PDE7A: variants seen among roughly 807,000 people sequenced by gnomAD.
PDE7A encodes phosphodiesterase 7A, also known as high affinity 3',5'-cyclic-AMP phosphodiesterase 7A.
In PDE7A, 39 loss-of-function variants were observed where a neutral mutation model predicts 64.3. The ratio of observed to expected loss-of-function variants is 0.61; its 90% CI spans 0.47 to 0.79. PDE7A has a LOEUF of 0.79. Among genes scored for constraint, PDE7A ranks in the 30% least tolerant of loss-of-function variants. PDE7A has a pLI of 0.00. For synonymous variants in PDE7A, 203 were observed against 206.8 expected (o/e 0.98, Z 0.16); for missense variants, 470 against 582.8 (o/e 0.81, Z 1.99).
chr8:65,799,876 G>GT, intron 1 of PDE7A, among the ~76,000 whole-genome samples: 1 of 152,194 alleles, frequency 6.6e-6, no homozygotes, highest in Non-Finnish European at 1.5e-5. Context: ...CTCACAATTG[G>GT]TAACTATTCA....
intron 1 of PDE7A, among the ~76,000 whole-genome samples, chr8:65,804,867 T>C (rs891778805): frequency 3.3e-5 from 5 of 151,908 alleles, no homozygotes; most frequent in Admixed American, 2.0e-4. Context: ...AGATGGGATC[T>C]TGCTCTGTCA....
intron 1 of PDE7A, among the ~76,000 whole-genome samples, chr8:65,811,203 C>CA (rs1810253485): frequency 6.6e-6 from 1 of 152,110 alleles, no homozygotes; most frequent in Admixed American, 6.6e-5. Flanking sequence ...AAACTGATGA[C>CA]AAACTCAAGG....
At chr8:65,830,801 T>C (rs1437179390) in intron 1 of PDE7A, among the ~76,000 whole-genome samples, 1 of 152,100 alleles carries the variant, frequency 6.6e-6, no homozygotes, top group Admixed American at 6.6e-5. Context: ...AAAGCACTTT[T>C]TATTCCCATC....
rs1033533335 is a variant in PDE7A, at chr8:65,717,710, A to G, written c.*1580T>C. ...TGAAAAGATAGGTTTTTATTCATCAAAAGTTAACAGCAACAGGCACATATT... is the reference window on the plus strand; with the variant it reads ...TGAAAAGATAGGTTTTTATTCATCAGAAGTTAACAGCAACAGGCACATATT... On this transcript the variant is annotated 3_prime_UTR_variant, in exon 13 of 13. Transcript: ENST00000401827. The G allele has an allele frequency of 2.6e-5, 4 of 152,248 alleles. No individual in the cohort carries two copies. Among genetic ancestry groups the G allele is most frequent in the African/African-American group, 7.2e-5 (3 of 41,466 alleles). 9.4% of individuals were successfully genotyped at this position (152,248 alleles called of 1,614,324 possible).
chr8:65,730,329 C>A (rs990325186), intron 7 of PDE7A, among the ~76,000 whole-genome samples: 1 of 151,084 alleles, frequency 6.6e-6, no homozygotes, highest in Non-Finnish European at 1.5e-5. Context: ...TACAGGCATG[C>A]GCCACCACAA....
At chr8:65,744,242 A>G (rs954391311) in intron 5 of PDE7A, among the ~76,000 whole-genome samples, 2 of 152,210 alleles carry the variant, frequency 1.3e-5, no homozygotes, top group African/African-American at 4.8e-5. Flanking sequence ...AAACAACAAA[A>G]AAAAACAGGC....
chr8:65,755,031 T>C (rs1043327101), intron 3 of PDE7A, among the ~76,000 whole-genome samples: 4 of 151,118 alleles, frequency 2.6e-5, no homozygotes, highest in Non-Finnish European at 5.9e-5. Context: ...CTTATTTTTT[T>C]TTTTTTTGAG....
intron 9 of PDE7A, 152 bp from the exon 10 acceptor site, chr8:65,725,073 T>A: frequency 2.2e-6 from 1 of 460,000 alleles, no homozygotes; most frequent in South Asian, 7.0e-5. Context: ...AAAAATGAGT[T>A]TTATAGAATG....
chr8:65,736,229 T>C (rs1200899401), intron 6 of PDE7A, among the ~76,000 whole-genome samples: 2 of 152,192 alleles, frequency 1.3e-5, no homozygotes, highest in East Asian at 3.8e-4. Flanking sequence ...GATACCAACA[T>C]GGCTGATCTG....
chr8:65,739,241 A>C (rs977189882), intron 6 of PDE7A, among the ~76,000 whole-genome samples: 2 of 152,238 alleles, frequency 1.3e-5, no homozygotes, highest in African/African-American at 4.8e-5. Context: ...CTGGTATCCT[A>C]GCTGAGGTCT....
rs1291259156 is a variant in PDE7A at position 65,718,930 on chromosome 8, A to T, written c.*360T>A. ...TACACATTGTTGCATCAGACTGGTT[A>T]AATTCCAAGAGATTGTTGCTGAACA... is the stretch of plus-strand genomic sequence containing the variant. On this transcript the variant is annotated 3_prime_UTR_variant, in exon 13 of 13. Coordinates refer to ENST00000401827, the MANE Select transcript of PDE7A (RefSeq NM_001242318.3). 1 of 276,170 alleles carries T rather than the reference A, an allele frequency of 3.6e-6. No homozygotes were observed. The highest frequency in any genetic ancestry group is 7.1e-6 in the Non-Finnish European group (1 of 141,676). The allele number at this position is 276,170 out of a possible 1,614,324, so 17.1% of individuals were successfully genotyped here.
intron 7 of PDE7A, chr8:65,728,534 G>A (rs1037738111): frequency 6.6e-5 from 10 of 152,152 alleles, no homozygotes; most frequent in African/African-American, 2.4e-4. Context: ...ATGAATAGGA[G>A]AAGATGAAGA....
chr8:65,744,042 A>AG (rs1807560493), intron 5 of PDE7A, among the ~76,000 whole-genome samples: 1 of 152,208 alleles, frequency 6.6e-6, no homozygotes, highest in African/African-American at 2.4e-5. Flanking sequence ...CATGTTGGCC[A>AG]GGCTGGTCTT....
At chr8:65,807,002 ATTGT>A (rs1332407751) in intron 1 of PDE7A, among the ~76,000 whole-genome samples, 1 of 152,100 alleles carries the variant, frequency 6.6e-6, no homozygotes, top group African/African-American at 2.4e-5. Context: ...TTGTTTCAAG[ATTGT>A]TTGTGTTATT....
intron 1 of PDE7A, among the ~76,000 whole-genome samples, chr8:65,810,997 A>G (rs2128929864): frequency 6.6e-6 from 1 of 152,322 alleles, no homozygotes; most frequent in South Asian, 2.1e-4. Flanking sequence ...TATATCTGCA[A>G]CCAAATAAAA....
intron 3 of PDE7A, among the ~76,000 whole-genome samples, chr8:65,757,610 T>C (rs1441013510): frequency 1.3e-5 from 2 of 151,002 alleles, no homozygotes; most frequent in South Asian, 2.1e-4. Flanking sequence ...GTTTTTGTTT[T>C]GTTTTGTTTT....
intron 1 of PDE7A, among the ~76,000 whole-genome samples, chr8:65,803,330 G>A (rs1007497799): frequency 9.2e-5 from 14 of 152,094 alleles, no homozygotes; most frequent in Non-Finnish European, 2.1e-4. Flanking sequence ...GACAGACATG[G>A]TACTTTAAAA....
intron 2 of PDE7A, among the ~76,000 whole-genome samples, chr8:65,781,315 G>C: frequency 6.6e-6 from 1 of 152,028 alleles, no homozygotes; most frequent in East Asian, 1.9e-4. Flanking sequence ...GGCGTGGCAG[G>C]AGCAAGGTGA....
chr8:65,714,562 T>A lies in PDE7A; in HGVS notation c.*4728A>T, dbSNP rs567031982. ...TCTTGCACAGACCTGTATTACTCCGTGTTTCAAATGTATGCAGATGCTACA... is the reference window on the plus strand; with the variant it reads ...TCTTGCACAGACCTGTATTACTCCGAGTTTCAAATGTATGCAGATGCTACA... On this transcript the variant is annotated 3_prime_UTR_variant, in exon 13 of 13. Transcript: ENST00000401827. 1 of 152,296 alleles carries A rather than the reference T, an allele frequency of 6.6e-6. No homozygotes were observed. The highest frequency in any genetic ancestry group is 1.9e-4 in the East Asian group (1 of 5,178). 9.4% of individuals were successfully genotyped at this position (152,296 alleles called of 1,614,324 possible).
Sources: gnomAD v4.1 joint callset for allele counts (sites outside exome capture counted in the v4.1 genomes callset) on GRCh38, gnomAD v4.1.1 for gene constraint, MANE v1.5 for transcripts, NCBI Gene and HGNC (gene_info 2026-07-23, HGNC 2026-07-21) for gene names.